Variants in SORCS2 observed in about 807,000 individuals in gnomAD.
SORCS2 encodes the protein sortilin related VPS10 domain containing receptor 2.
A neutral mutation model predicts 141.6 loss-of-function variants in SORCS2; 100 were observed. The observed-to-expected ratio is 0.71, with a 90% CI of 0.60 to 0.83. The LOEUF is 0.83. SORCS2 is among the 40% of genes least tolerant of loss of function. SORCS2 has a pLI of 0.00. For missense variants in SORCS2, 1,646 were observed against 1,560.2 expected (o/e 1.05, Z -0.93); for synonymous variants, 789 against 676.9 (o/e 1.17, Z -2.57).
intron 1 of SORCS2, among the ~76,000 whole-genome samples, chr4:7,204,703 C>T (rs771583107): frequency 6.6e-6 from 1 of 152,178 alleles, no homozygotes; most frequent in Admixed American, 6.5e-5. Flanking sequence ...GGCAAGGCTG[C>T]GTCGTGGGAG....
intron 1 of SORCS2, among the ~76,000 whole-genome samples, chr4:7,227,121 G>C (rs1172861102): frequency 6.6e-6 from 1 of 152,110 alleles, no homozygotes; most frequent in African/African-American, 2.4e-5. Context: ...ACTTGTGCGT[G>C]CTCACACACA....
chr4:7,272,947 C>T (rs1426435741), intron 1 of SORCS2, among the ~76,000 whole-genome samples: 1 of 152,254 alleles, frequency 6.6e-6, no homozygotes. Context: ...GTGTGTCCCA[C>T]ACAGTGGGCC....
chr4:7,242,915 C>G, intron 1 of SORCS2, among the ~76,000 whole-genome samples: 1 of 152,188 alleles, frequency 6.6e-6, no homozygotes, highest in South Asian at 2.1e-4. Context: ...GGCTCAGCAC[C>G]GGGAAAACGC....
intron 1 of SORCS2, among the ~76,000 whole-genome samples, chr4:7,285,625 C>A (rs1339617590): frequency 2.0e-5 from 3 of 152,230 alleles, no homozygotes; most frequent in African/African-American, 7.2e-5. Flanking sequence ...TCCAGCTCTG[C>A]CCTCCAGACA....
intron 1 of SORCS2, among the ~76,000 whole-genome samples, chr4:7,252,691 G>A (rs543671679): frequency 1.3e-5 from 2 of 152,196 alleles, no homozygotes; most frequent in African/African-American, 4.8e-5. Flanking sequence ...CTGGGGGTGC[G>A]GGAGGGATTG....
At chr4:7,667,754 G>A (rs1026218721) in intron 8 of SORCS2, among the ~76,000 whole-genome samples, 5 of 152,200 alleles carry the variant, frequency 3.3e-5, no homozygotes, top group Admixed American at 6.5e-5. Flanking sequence ...CTTAGAAGGC[G>A]AAGAAGGGGG....
intron 3 of SORCS2, among the ~76,000 whole-genome samples, chr4:7,591,004 A>G (rs977663042): frequency 6.6e-6 from 1 of 152,152 alleles, no homozygotes; most frequent in African/African-American, 2.4e-5. Flanking sequence ...ATTTGCAGGT[A>G]TGGTGGCCAC....
At chr4:7,524,363 G>T (rs1467463554) in intron 2 of SORCS2, among the ~76,000 whole-genome samples, 1 of 152,124 alleles carries the variant, frequency 6.6e-6, no homozygotes, top group Non-Finnish European at 1.5e-5. Flanking sequence ...GGCCCTGCTA[G>T]CACCTTGACT....
At chr4:7,729,450 C>T (rs1048069166) in intron 22 of SORCS2, 137 bp from the exon 23 acceptor site, 59 of 1,175,262 alleles carry the variant, frequency 5.0e-5, no homozygotes, top group South Asian at 4.0e-4. Context: ...AGGATCCCCA[C>T]GCCATGCAGG....
chr4:7,723,911 A>AG, intron 19 of SORCS2, 28 bp downstream of exon 19: 1 of 1,571,810 alleles, frequency 6.4e-7, no homozygotes, highest in Non-Finnish European at 8.6e-7. Context: ...TTGAGGCCAA[A>AG]GGTCACTCCC....
chr4:7,252,350 C>T lies in SORCS2; in HGVS notation c.480+59224C>T, dbSNP rs965359015. Among the ~76,000 whole-genome samples, 3 of 151,942 alleles carry T rather than the reference C, an allele frequency of 2.0e-5. No individual in the cohort carries two copies. In the East Asian group the frequency reaches 5.8e-4, roughly 30 times the overall value. ...GGGCCAGGTGTGGGCAGGATGGGCCCGGGTGGGGCAGGGCAGAGCTCAGGG... is the reference window on the plus strand; with the variant it reads ...GGGCCAGGTGTGGGCAGGATGGGCCTGGGTGGGGCAGGGCAGAGCTCAGGG... On this transcript the variant is annotated intron_variant, in intron 1 of 26. Coordinates refer to ENST00000507866, the MANE Select transcript of SORCS2 (RefSeq NM_020777.3).
chr4:7,414,023 G>A lies in SORCS2; in HGVS notation c.548+17668G>A, dbSNP rs142858112. On this transcript the variant is annotated intron_variant, in intron 2 of 26. Transcript: ENST00000507866. ...GACGAAAGAGCCATTTAGGGAAGAGGTAGTAAGATACATGTGAGATCAGCC... is the reference window on the plus strand; with the variant it reads ...GACGAAAGAGCCATTTAGGGAAGAGATAGTAAGATACATGTGAGATCAGCC... Among the ~76,000 whole-genome samples, 329 of 152,316 alleles carry A rather than the reference G, an allele frequency of 2.2e-3. 1 individual carries two copies. Among genetic ancestry groups the A allele is most frequent in the Middle Eastern group, 0.017 (5 of 294 alleles).
intron 3 of SORCS2, among the ~76,000 whole-genome samples, chr4:7,590,792 T>A (rs1056118669): frequency 2.6e-5 from 4 of 152,220 alleles, no homozygotes; most frequent in African/African-American, 9.6e-5. Flanking sequence ...TTTAGCCCAG[T>A]AAGACTGATG....
chr4:7,328,236 A>G (rs1486980382), intron 1 of SORCS2, among the ~76,000 whole-genome samples: 1 of 144,430 alleles, frequency 6.9e-6, no homozygotes, highest in Non-Finnish European at 1.5e-5. Flanking sequence ...GGGTTTTACC[A>G]TGTTGGCCAG....
At chr4:7,483,329 A>AC (rs1472401163) in intron 2 of SORCS2, among the ~76,000 whole-genome samples, 1 of 151,434 alleles carries the variant, frequency 6.6e-6, no homozygotes, top group Admixed American at 6.6e-5. Context: ...TCTCAAAAAA[A>AC]AAAAAAAAAA....
At chr4:7,305,035 T>TC (rs139906409) in intron 1 of SORCS2, among the ~76,000 whole-genome samples, 108,815 of 146,696 alleles carry the variant, frequency 0.74, 43,115 homozygotes, top group Non-Finnish European at 0.89. Context: ...TGGCTCTTCT[T>TC]TTTTTTTTTT....
intron 17 of SORCS2, among the ~76,000 whole-genome samples, chr4:7,716,251 T>A (rs6446617): frequency 0.48 from 72,613 of 152,056 alleles, 19,019 homozygotes; most frequent in East Asian, 0.74. Context: ...CTGAGGGAAC[T>A]TGAGGAAACA....
chr4:7,250,502 A>T (rs1244198470), intron 1 of SORCS2, among the ~76,000 whole-genome samples: 1 of 152,226 alleles, frequency 6.6e-6, no homozygotes, highest in Admixed American at 6.5e-5. Flanking sequence ...ATGTTTCCAT[A>T]GAGACTTTCC....
chr4:7,481,988 A>C (rs55923357), intron 2 of SORCS2, among the ~76,000 whole-genome samples: 1 of 74,838 alleles, frequency 1.3e-5, no homozygotes. Context: ...CTGTATCCCC[A>C]CTGCGGACAC....
Sources: gnomAD v4.1 joint callset for allele counts (sites outside exome capture counted in the v4.1 genomes callset) on GRCh38, gnomAD v4.1.1 for gene constraint, MANE v1.5 for transcripts, NCBI Gene and HGNC (gene_info 2026-07-23, HGNC 2026-07-21) for gene names.